The following TPRG1 variants were observed in gnomAD, a reference collection of about 807,000 sequenced individuals.
The protein encoded by TPRG1 is tumor protein p63-regulated gene 1 protein.
In TPRG1, 29 loss-of-function variants were observed where a neutral mutation model predicts 29.3. The observed-to-expected ratio is 0.99, with a 90% CI of 0.74 to 1.35. The LOEUF is 1.35. Ranked by LOEUF, TPRG1 falls within the 40% of genes most tolerant of loss-of-function variation. The probability of loss-of-function intolerance (pLI) is 0.00; values close to 1 mark genes in which losing one functional copy is unlikely to be tolerated. For synonymous variants in TPRG1, 130 were observed against 116.8 expected (o/e 1.11, Z -0.73); for missense variants, 327 against 335.0 (o/e 0.98, Z 0.19).
chr3:189,242,535 A>G (rs1219130381), intron 4 of TPRG1, among the ~76,000 whole-genome samples: 2 of 152,088 alleles, frequency 1.3e-5, no homozygotes, highest in African/African-American at 4.8e-5. Context: ...TTTTATGGAT[A>G]ATTTTTGTGC....
At chr3:189,295,115 T>C (rs1576990801) in intron 4 of TPRG1, among the ~76,000 whole-genome samples, 1 of 152,228 alleles carries the variant, frequency 6.6e-6, no homozygotes. Flanking sequence ...TTTCTCATTA[T>C]ACTTTTTCAT....
At chr3:189,110,269 G>A (rs1720348273) in intron 1 of TPRG1, among the ~76,000 whole-genome samples, 1 of 152,232 alleles carries the variant, frequency 6.6e-6, no homozygotes, top group Non-Finnish European at 1.5e-5. Flanking sequence ...TATATTGCCA[G>A]TTTAAATAAA....
chr3:189,182,596 A>G (rs892773584), intron 1 of TPRG1, among the ~76,000 whole-genome samples: 1 of 152,172 alleles, frequency 6.6e-6, no homozygotes, highest in African/African-American at 2.4e-5. Flanking sequence ...TCTTTGATCC[A>G]GCACTCCCAC....
intron 1 of TPRG1, among the ~76,000 whole-genome samples, chr3:189,197,433 G>A (rs1158185922): frequency 3.3e-5 from 5 of 152,084 alleles, no homozygotes; most frequent in Admixed American, 2.0e-4. Flanking sequence ...GGGAACTGGT[G>A]ACTTAGTCTT....
At chr3:189,017,742 C>T (rs1179829834) in intron 3 of TPRG1, among the ~76,000 whole-genome samples, 12 of 152,152 alleles carry the variant, frequency 7.9e-5, no homozygotes, top group Non-Finnish European at 1.5e-4. Context: ...TGGGTATATA[C>T]CCAGTAATGG....
At chr3:189,274,187 T>C (rs1715707848) in intron 4 of TPRG1, among the ~76,000 whole-genome samples, 1 of 152,024 alleles carries the variant, frequency 6.6e-6, no homozygotes, top group Non-Finnish European at 1.5e-5. Context: ...CTGATGAGCC[T>C]GTGAGAAATG....
intron 4 of TPRG1, among the ~76,000 whole-genome samples, chr3:189,086,117 G>A (rs1361572148): frequency 1.3e-5 from 2 of 152,148 alleles, no homozygotes; most frequent in African/African-American, 2.4e-5. Flanking sequence ...GAAGGCCTGA[G>A]AGCCCCTGGC....
At chr3:189,274,953 T>C (rs1048922815) in intron 4 of TPRG1, among the ~76,000 whole-genome samples, 2 of 151,182 alleles carry the variant, frequency 1.3e-5, no homozygotes, top group Non-Finnish European at 3.0e-5. Context: ...TGTGTGTGTG[T>C]GTGTGTGTGT....
intron 4 of TPRG1, among the ~76,000 whole-genome samples, chr3:189,065,873 T>G (rs1002374541): frequency 9.2e-5 from 14 of 152,150 alleles, no homozygotes; most frequent in Non-Finnish European, 1.5e-4. Context: ...TATAATTTTT[T>G]GAAGATGACA....
intron 3 of TPRG1, among the ~76,000 whole-genome samples, chr3:189,015,028 C>T (rs566364235): frequency 8.5e-5 from 13 of 152,196 alleles, no homozygotes; most frequent in South Asian, 2.1e-4. Flanking sequence ...GATAAGATGA[C>T]GCAGGAAAGT....
intron 5 of TPRG1, among the ~76,000 whole-genome samples, chr3:189,155,614 G>A (rs1004948561): frequency 1.3e-5 from 2 of 152,156 alleles, no homozygotes; most frequent in South Asian, 2.1e-4. Flanking sequence ...AGCATTCATC[G>A]ATAGATAAAT....
At position 189,109,458 on chromosome 3, in the gene TPRG1, C is replaced by T. The variant is rs917724883; in HGVS notation, c.-744+9254C>T. ...GAGTACTGATCCCTGGCAACCTCTG[C>T]TCCCACCTTGCTACTGCACAGTTAA... On this transcript the variant is annotated intron_variant, in intron 1 of 6. Transcript: ENST00000412373. Among the ~76,000 whole-genome samples the T allele has an allele frequency of 5.9e-5, 9 of 152,292 alleles. 1 individual carries two copies. In the South Asian group the frequency reaches 1.7e-3, roughly 28 times the overall value.
At chr3:189,272,727 CCT>C (rs1258568012) in intron 4 of TPRG1, among the ~76,000 whole-genome samples, 12 of 144,292 alleles carry the variant, frequency 8.3e-5, no homozygotes, top group African/African-American at 2.2e-4. Flanking sequence ...TTCCTTCCTT[CCT>C]TCCTTCCTTC....
intron 4 of TPRG1, among the ~76,000 whole-genome samples, chr3:189,078,607 T>C (rs1178545268): frequency 1.3e-5 from 2 of 152,210 alleles, no homozygotes; most frequent in African/African-American, 4.8e-5. Flanking sequence ...TCTTATTAAG[T>C]ACTGTAAGCT....
intron 4 of TPRG1, among the ~76,000 whole-genome samples, chr3:189,069,062 G>A (rs1716648067): frequency 6.6e-6 from 1 of 152,162 alleles, no homozygotes; most frequent in Non-Finnish European, 1.5e-5. Flanking sequence ...AATATTTATA[G>A]ATGCTTTATT....
intron 1 of TPRG1, among the ~76,000 whole-genome samples, chr3:188,997,493 G>A (rs1468259467): frequency 6.6e-6 from 1 of 152,132 alleles, no homozygotes; most frequent in East Asian, 1.9e-4. Context: ...GAAGTACAGT[G>A]TAACGTTTTG....
chr3:189,057,831 CACATATGTATGTGT>C, intron 4 of TPRG1, among the ~76,000 whole-genome samples: 1 of 120,638 alleles, frequency 8.3e-6, no homozygotes. Context: ...TATATATACA[CACATATGTATGTGT>C]GTATATATAT....
At position 189,025,600 on chromosome 3, in the gene TPRG1, T is replaced by C. The variant is rs528462767; in HGVS notation, c.-463+1654T>C. Among the ~76,000 whole-genome samples the C allele has an allele frequency of 6.6e-5, 10 of 152,326 alleles. No individual in the cohort carries two copies. In the South Asian group the frequency reaches 2.1e-3, roughly 32 times the overall value. On this transcript the variant is annotated intron_variant, in intron 4 of 10. Transcript: ENST00000433971. ...AAGGGTGCTGATAAAATGTGAGCAG[T>C]ATACTGAAGCGAATTGTGTGTGGTA...
At chr3:189,025,885 G>A (rs1480464607) in intron 4 of TPRG1, among the ~76,000 whole-genome samples, 1 of 152,232 alleles carries the variant, frequency 6.6e-6, no homozygotes, top group Non-Finnish European at 1.5e-5. Context: ...AATGGTGGAT[G>A]ATTTTTAAAC....
Sources: allele counts gnomAD v4.1 joint callset (sites outside exome capture counted in the v4.1 genomes callset), GRCh38; gene constraint gnomAD v4.1.1; transcripts MANE v1.5; gene names NCBI Gene and HGNC (gene_info 2026-07-23, HGNC 2026-07-21).